SEC24A: variants seen among roughly 807,000 people sequenced by gnomAD.
SEC24A encodes protein transport protein Sec24A.
In SEC24A, 93 loss-of-function variants were observed where a neutral mutation model predicts 129.4. The observed-to-expected ratio is 0.72, with a 90% CI of 0.61 to 0.85. The LOEUF is 0.85. SEC24A is among the 40% of genes least tolerant of loss of function. SEC24A has a pLI of 0.00. For synonymous variants in SEC24A, 460 were observed against 467.3 expected (o/e 0.98, Z 0.20); for missense variants, 1,264 against 1,307.4 (o/e 0.97, Z 0.51).
At chr5:134,705,298 T>C in intron 16 of SEC24A, 29 bp from the exon 17 acceptor site, 2 of 1,522,554 alleles carry the variant, frequency 1.3e-6, no homozygotes, top group South Asian at 2.2e-5. Flanking sequence ...TAGTTGCCCC[T>C]CACTGTTGTT....
intron 17 of SEC24A, among the ~76,000 whole-genome samples, chr5:134,707,475 G>A (rs1229449281): frequency 3.3e-5 from 5 of 151,548 alleles, no homozygotes; most frequent in East Asian, 1.9e-4. Flanking sequence ...GACTACAGGC[G>A]CCCGCCATCA....
intron 18 of SEC24A, among the ~76,000 whole-genome samples, chr5:134,712,284 A>G (rs1355866155): frequency 1.3e-5 from 2 of 150,590 alleles, no homozygotes; most frequent in Non-Finnish European, 3.0e-5. Context: ...GGAGTCTCAC[A>G]CTGTCATCCG....
chr5:134,674,809 T>TC (rs1347250433), intron 5 of SEC24A, 34 bp downstream of exon 5: 4 of 1,596,836 alleles, frequency 2.5e-6, no homozygotes, highest in Middle Eastern at 3.3e-4. Flanking sequence ...AACCTATTTC[T>TC]CCATTTGGTT....
intron 2 of SEC24A, among the ~76,000 whole-genome samples, chr5:134,666,600 A>G (rs992057729): frequency 1.3e-4 from 19 of 151,792 alleles, no homozygotes; most frequent in African/African-American, 4.6e-4. Flanking sequence ...AAGAAAGAAA[A>G]AAGGAAGGAA....
intron 15 of SEC24A, chr5:134,701,094 G>A (rs12654944): frequency 0.11 from 17,121 of 151,850 alleles, 1,149 homozygotes; most frequent in East Asian, 0.27. Context: ...TGATCCACCC[G>A]CCTCGGCCTC....
At chr5:134,700,788 C>T (rs893937872) in intron 15 of SEC24A, among the ~76,000 whole-genome samples, 3 of 151,430 alleles carry the variant, frequency 2.0e-5, no homozygotes, top group African/African-American at 4.9e-5. Flanking sequence ...GCACGATCTC[C>T]GCTCACTGCA....
At chr5:134,711,758 T>C (rs1050418521) in intron 18 of SEC24A, among the ~76,000 whole-genome samples, 2 of 151,172 alleles carry the variant, frequency 1.3e-5, no homozygotes, top group Admixed American at 6.6e-5. Context: ...TTTGAACTCT[T>C]TTTTTTTGAG....
chr5:134,655,324 C>T (rs1330965975), intron 1 of SEC24A, among the ~76,000 whole-genome samples: 1 of 152,094 alleles, frequency 6.6e-6, no homozygotes, highest in Non-Finnish European at 1.5e-5. Context: ...TCTAATTTAG[C>T]TTCTTTACCC....
At chr5:134,686,675 T>C in intron 9 of SEC24A, 115 bp from the exon 10 acceptor site, 5 of 557,472 alleles carry the variant, frequency 9.0e-6, no homozygotes, top group Middle Eastern at 3.4e-4. Flanking sequence ...TTTATTATAA[T>C]CTCTACTCAA....
At position 134,671,894 on chromosome 5, in the gene SEC24A, G is replaced by T. The variant is rs761281195; in HGVS notation, c.817+8G>T. ...AAGGAGGTGGCTTATTGGGTGAGAT[G>T]CTATGAAAGTTTTTTTTTTAATCTC... On this transcript the variant is annotated splice_region_variant and intron_variant, in intron 4 of 22. Transcript: ENST00000398844. The T allele has an allele frequency of 3.2e-6, 5 of 1,577,238 alleles. No homozygotes were observed. The highest frequency in any genetic ancestry group is 2.6e-6 in the Non-Finnish European group (3 of 1,154,506).
intron 2 of SEC24A, among the ~76,000 whole-genome samples, chr5:134,663,769 C>A (rs1339351313): frequency 6.6e-6 from 1 of 152,008 alleles, no homozygotes; most frequent in African/African-American, 2.4e-5. Context: ...ATAATAGAAA[C>A]CCTCAGAGCA....
At chr5:134,706,727 C>T (rs1269905129) in intron 17 of SEC24A, among the ~76,000 whole-genome samples, 7 of 151,972 alleles carry the variant, frequency 4.6e-5, no homozygotes, top group Non-Finnish European at 7.4e-5. Context: ...GTCTCATTCA[C>T]CCTCCCAGGA....
At chr5:134,649,882 T>C (rs1430155973) in intron 1 of SEC24A, among the ~76,000 whole-genome samples, 1 of 152,232 alleles carries the variant, frequency 6.6e-6, no homozygotes, top group East Asian at 1.9e-4. Context: ...ATTCCTTAAA[T>C]CGTCCTACAT....
At chr5:134,707,826 T>G (rs1752210342) in intron 17 of SEC24A, among the ~76,000 whole-genome samples, 1 of 152,162 alleles carries the variant, frequency 6.6e-6, no homozygotes, top group Non-Finnish European at 1.5e-5. Flanking sequence ...ATTATGCTTT[T>G]TTTTTAAGTA....
intron 10 of SEC24A, among the ~76,000 whole-genome samples, 195 bp downstream of exon 10, chr5:134,687,097 A>G (rs1751480575): frequency 6.6e-6 from 1 of 152,192 alleles, no homozygotes; most frequent in Non-Finnish European, 1.5e-5. Context: ...TAATGTAATG[A>G]ACTTCCAGTC....
chr5:134,714,299 C>G (rs865938371), intron 18 of SEC24A, among the ~76,000 whole-genome samples: 1 of 152,090 alleles, frequency 6.6e-6, no homozygotes, highest in African/African-American at 2.4e-5. Context: ...TGCACTACCC[C>G]CCAGCCACAT....
At chr5:134,687,564 A>G (rs985971135) in intron 10 of SEC24A, among the ~76,000 whole-genome samples, 1 of 152,152 alleles carries the variant, frequency 6.6e-6, no homozygotes, top group Non-Finnish European at 1.5e-5. Flanking sequence ...TAGAAGGCCA[A>G]ATTTCATCAC....
chr5:134,682,001 G>A (rs1281597225), intron 8 of SEC24A, among the ~76,000 whole-genome samples: 2 of 152,114 alleles, frequency 1.3e-5, no homozygotes, highest in African/African-American at 4.8e-5. Flanking sequence ...CAGCACTTTG[G>A]GAGGCCAAGG....
intron 1 of SEC24A, among the ~76,000 whole-genome samples, chr5:134,656,186 G>A (rs569384540): frequency 8.0e-5 from 12 of 149,980 alleles, no homozygotes; most frequent in African/African-American, 2.4e-4. Context: ...GGGTTCAAGC[G>A]ATTCTCCTTT....
Sources: gnomAD v4.1 joint callset for allele counts (sites outside exome capture counted in the v4.1 genomes callset) on GRCh38, gnomAD v4.1.1 for gene constraint, MANE v1.5 for transcripts, NCBI Gene and HGNC (gene_info 2026-07-23, HGNC 2026-07-21) for gene names.